The following FCRL3 variants were observed in gnomAD, a reference collection of about 807,000 sequenced individuals.
FCRL3 encodes Fc receptor like 3.
A neutral mutation model predicts 75.0 loss-of-function variants in FCRL3; 89 were observed. The observed-to-expected ratio is 1.19, with a 90% CI of 1.00 to 1.42. The LOEUF (loss-of-function observed/expected upper bound fraction) is 1.42, where lower values mean the gene tolerates loss of function less well. FCRL3 is among the 40% of genes most tolerant of loss of function. The pLI is 0.00. For missense variants in FCRL3, 946 were observed against 880.0 expected, an observed-to-expected ratio of 1.07 and a Z score of -0.95; for synonymous variants, 376 against 348.5, an observed-to-expected ratio of 1.08 and a Z score of -0.88.
At chr1:157,695,645 T>C (rs371594713) in intron 7 of FCRL3, 38 bp from the exon 8 acceptor site, 1 of 1,557,296 alleles carries the variant, frequency 6.4e-7, no homozygotes, top group African/African-American at 1.4e-5. Flanking sequence ...GATTCTGACG[T>C]TGTGACAGAT....
chr1:157,688,741 A>G (rs1655328995), intron 10 of FCRL3, among the ~76,000 whole-genome samples: 1 of 152,162 alleles, frequency 6.6e-6, no homozygotes, highest in Non-Finnish European at 1.5e-5. Flanking sequence ...CAAATCATAA[A>G]AAGACATTTC....
chr1:157,691,577 T>C (rs1365640384), intron 8 of FCRL3, among the ~76,000 whole-genome samples: 2 of 152,194 alleles, frequency 1.3e-5, no homozygotes, highest in Non-Finnish European at 1.5e-5. Context: ...AGTCCTGATA[T>C]TGGAAGTGTA....
At chr1:157,692,058 C>G (rs11264798) in intron 8 of FCRL3, 90,826 of 151,970 alleles carry the variant, frequency 0.6, 29,599 homozygotes, top group African/African-American at 0.88. Context: ...GATAGGACAG[C>G]GTTTTTTATG....
Position 157,692,817 on chromosome 1 carries a change from G to A in FCRL3, c.1412-2284C>T, listed in dbSNP as rs77680058. Among the ~76,000 whole-genome samples the A allele has an allele frequency of 6.0e-3, 918 of 152,178 alleles. 6 individuals are homozygous for A. Among genetic ancestry groups the A allele is most frequent in the African/African-American group, 0.021 (864 of 41,528 alleles). ...TAATGCTTTTCTAAACTTATGCTATGGAGATAATATTTTGGAAAATAGTTG... is the reference window on the plus strand; with the variant it reads ...TAATGCTTTTCTAAACTTATGCTATAGAGATAATATTTTGGAAAATAGTTG... On this transcript the variant is annotated intron_variant, in intron 8 of 14. Coordinates refer to ENST00000368184, the MANE Select transcript of FCRL3 (RefSeq NM_052939.4).
Position 157,700,720 on chromosome 1 carries a change from C to A in FCRL3, c.-155G>T. The A allele has an allele frequency of 2.1e-6, 3 of 1,415,898 alleles. No homozygotes were observed. The highest frequency in any genetic ancestry group is 2.8e-6 in the Non-Finnish European group (3 of 1,083,274). 87.7% of individuals were successfully genotyped at this position (1,415,898 alleles called of 1,614,324 possible). On this transcript the variant is annotated 5_prime_UTR_variant, in exon 1 of 15. Transcript: ENST00000368184. ...AGTGATACATTTTTAGAAGTTGGGG[C>A]TCATCTTCCATCAGCTGCAGTCTCT...
In FCRL3 at chr1:157,700,729, C is replaced by CA; in HGVS notation, c.-165dup. 1 of 1,407,600 alleles carries CA rather than the reference C, an allele frequency of 7.1e-7. No homozygotes were observed. The highest frequency in any genetic ancestry group is 9.3e-7 in the Non-Finnish European group (1 of 1,079,620). 87.2% of individuals were successfully genotyped at this position (1,407,600 alleles called of 1,614,324 possible). A position where few individuals can be genotyped will look rare whatever the true frequency, so the allele number is the denominator to read the frequency against. The stretch of plus-strand genomic sequence containing the variant: ...TTTTTAGAAGTTGGGGCTCATCTTC[C>CA]ATCAGCTGCAGTCTCTCAGGAGTAA... On this transcript the variant is annotated 5_prime_UTR_variant, in exon 1 of 15. It removes an upstream start codon present in the reference 5' UTR. Coordinates refer to ENST00000368184, the MANE Select transcript of FCRL3 (RefSeq NM_052939.4).
At position 157,678,578 on chromosome 1, in the gene FCRL3, T is replaced by G. The variant is rs903638051; in HGVS notation, c.*132A>C. 1 of 1,512,606 alleles carries G rather than the reference T, an allele frequency of 6.6e-7. No homozygotes were observed. The highest frequency in any genetic ancestry group is 1.4e-5 in the African/African-American group (1 of 71,976). 93.7% of individuals were successfully genotyped at this position (1,512,606 alleles called of 1,614,324 possible). ...GCACAGGGGAGATTTGCAGACCTTT[T>G]GCTCAGCCTCACATACCCTGCAGCC... On this transcript the variant is annotated 3_prime_UTR_variant, in exon 15 of 15. Coordinates refer to ENST00000368184, the MANE Select transcript of FCRL3 (RefSeq NM_052939.4).
intron 11 of FCRL3, 103 bp from the exon 12 acceptor site, chr1:157,681,202 G>T: frequency 1.5e-6 from 1 of 655,366 alleles, no homozygotes; most frequent in Non-Finnish European, 2.4e-6. Context: ...CATGATTCAA[G>T]TAAAAATATT....
intron 8 of FCRL3, among the ~76,000 whole-genome samples, chr1:157,692,555 A>G (rs1360044388): frequency 6.6e-6 from 1 of 152,180 alleles, no homozygotes; most frequent in East Asian, 1.9e-4. Flanking sequence ...AAGATTTACA[A>G]TGCTTTGTAA....
In FCRL3 at chr1:157,697,967, C is replaced by T. The variant is rs117515830; in HGVS notation, c.299-48G>A. On this transcript the variant is annotated intron_variant, in intron 4 of 14. Transcript: ENST00000368184. ...CTCAGGTTATCCCCTGCTGTTTCTG[C>T]CTTCACTTTCATTTCCACCCATGAG... 2.6e-5 allele frequency: 41 copies of T among 1,581,836 alleles called. No homozygotes were observed. In the East Asian group the frequency reaches 8.4e-4, roughly 33 times the overall value.
Position 157,677,436 on chromosome 1 carries a change from T to A in FCRL3, c.*1274A>T, listed in dbSNP as rs1035610803. On this transcript the variant is annotated 3_prime_UTR_variant, in exon 15 of 15. Coordinates refer to ENST00000368184, the MANE Select transcript of FCRL3 (RefSeq NM_052939.4). ...CCTAGAATTGGCAACATTCAGAGAT[T>A]AATGTTAATATAATCTCAGTTGTCC... The A allele has an allele frequency of 3.0e-6, 3 of 985,374 alleles. No homozygotes were observed. The African/African-American group carries it at 5.2e-5, about 17-fold the overall frequency. The allele number at this position is 985,374 out of a possible 1,614,324, so 61.0% of individuals were successfully genotyped here. A position where few individuals can be genotyped will look rare whatever the true frequency, so the allele number is the denominator to read the frequency against.
intron 4 of FCRL3, 116 bp from the exon 5 acceptor site, chr1:157,698,035 C>G: frequency 2.5e-6 from 3 of 1,212,458 alleles, no homozygotes; most frequent in Non-Finnish European, 3.4e-6. Flanking sequence ...TGGCCCCCAC[C>G]CACATTGCCA....
chr1:157,678,622 A>C lies in FCRL3; in HGVS notation c.*88T>G. On this transcript the variant is annotated 3_prime_UTR_variant, in exon 15 of 15. Coordinates refer to ENST00000368184, the MANE Select transcript of FCRL3 (RefSeq NM_052939.4). ...TGCAGCCCAGCCTCGTAGGAGGCAG[A>C]GTCTGGAGAGATGGATGATGTGTGG... The C allele has an allele frequency of 6.3e-7, 1 of 1,577,596 alleles. No individual in the cohort carries two copies. The highest frequency in any genetic ancestry group is 2.2e-5 in the East Asian group (1 of 44,742).
At chr1:157,687,004 C>G (rs1427048181) in intron 10 of FCRL3, among the ~76,000 whole-genome samples, 1 of 151,962 alleles carries the variant, frequency 6.6e-6, no homozygotes, top group East Asian at 1.9e-4. Flanking sequence ...AACAGGCAAC[C>G]TATAGAATGG....
rs752466284 is a variant in FCRL3 at position 157,700,531 on chromosome 1, A to C, written c.-42T>G. 15 of 1,613,630 alleles carry C rather than the reference A, an allele frequency of 9.3e-6. No individual in the cohort carries two copies. Among genetic ancestry groups the C allele is most frequent in the Non-Finnish European group, 1.3e-5 (15 of 1,179,688 alleles). ...GAGGGTTGGGAAAGTCTGTCTCACC[A>C]AAAGCCCGACTTATCTCCAAGAAGG... On this transcript the variant is annotated 5_prime_UTR_variant, in exon 2 of 15. Coordinates refer to ENST00000368184, the MANE Select transcript of FCRL3 (RefSeq NM_052939.4).
chr1:157,693,938 AG>A (rs2101616926), intron 8 of FCRL3, among the ~76,000 whole-genome samples: 1 of 152,144 alleles, frequency 6.6e-6, no homozygotes, highest in African/African-American at 2.4e-5. Context: ...TTGTAGAGAC[AG>A]GGGTTTCTCC....
rs1655409173 is a variant in FCRL3 at position 157,689,930 on chromosome 1, A to G, written c.1691-13T>C. The G allele has an allele frequency of 6.2e-7, 1 of 1,613,860 alleles. No individual in the cohort carries two copies. The highest frequency in any genetic ancestry group is 8.5e-7 in the Non-Finnish European group (1 of 1,179,808). ...TTCCTGGAAGTTCCTGAGTGGAGGG[A>G]GCTGTACTTGAGTTTCAGTGGCACA... On this transcript the variant is annotated splice_polypyrimidine_tract_variant and intron_variant, in intron 9 of 14. Coordinates refer to ENST00000368184, the MANE Select transcript of FCRL3 (RefSeq NM_052939.4).
In FCRL3 at chr1:157,700,443, T is replaced by C. The variant is rs765284691; in HGVS notation, c.31+16A>G. ...AGGAACTGAGGCCGTGGCCCCATTATAGCCCATCTACTCACTCAGGATCAG... is the reference window on the plus strand; with the variant it reads ...AGGAACTGAGGCCGTGGCCCCATTACAGCCCATCTACTCACTCAGGATCAG... On this transcript the variant is annotated intron_variant, in intron 2 of 14. Coordinates refer to ENST00000368184, the MANE Select transcript of FCRL3 (RefSeq NM_052939.4). 1 of 1,613,944 alleles carries C rather than the reference T, an allele frequency of 6.2e-7. No homozygotes were observed. The highest frequency in any genetic ancestry group is 8.5e-7 in the Non-Finnish European group (1 of 1,179,924).
At position 157,684,945 on chromosome 1, in the gene FCRL3, G is replaced by A. The variant is rs76387003; in HGVS notation, c.1811-1701C>T. Among the ~76,000 whole-genome samples the A allele has an allele frequency of 8.9e-3, 1,353 of 152,194 alleles. 25 individuals carry two copies. The highest frequency in any genetic ancestry group is 0.03 in the African/African-American group (1,266 of 41,530). On this transcript the variant is annotated intron_variant, in intron 10 of 14. Coordinates refer to ENST00000368184, the MANE Select transcript of FCRL3 (RefSeq NM_052939.4). ...GTGAGAAGGGAGACTTTGCTATGAG[G>A]AGGTACAATAAGCAAGATTTTGAGA...
Sources: allele counts gnomAD v4.1 joint callset (sites outside exome capture counted in the v4.1 genomes callset), GRCh38; gene constraint gnomAD v4.1.1; transcripts MANE v1.5; gene names NCBI Gene and HGNC (gene_info 2026-07-23, HGNC 2026-07-21).